The following PAH variants were observed in gnomAD, a reference collection of about 807,000 sequenced individuals.
The protein encoded by PAH is phenylalanine-4-hydroxylase.
In PAH, 64 loss-of-function variants were observed where a neutral mutation model predicts 62.0. The ratio of observed to expected loss-of-function variants is 1.03; its 90% CI spans 0.84 to 1.27. PAH has a LOEUF of 1.27. Among genes scored for constraint, PAH ranks in the 50% most tolerant of loss-of-function variants. The pLI, the probability that PAH is intolerant of heterozygous loss-of-function variation, is 0.00. For missense variants in PAH, 579 were observed against 542.8 expected (o/e 1.07, Z -0.66); for synonymous variants, 195 against 196.2 (o/e 0.99, Z 0.05).
At chr12:102,915,297 C>G (rs899802184) in intron 1 of PAH, 4 of 152,172 alleles carry the variant, frequency 2.6e-5, no homozygotes, top group African/African-American at 9.7e-5. Flanking sequence ...TAATAATTGA[C>G]TCACAGAAAT....
At position 102,957,235 on chromosome 12, in the gene PAH, C is replaced by T. The variant is rs1308790167; in HGVS notation, c.-96+960G>A. Among the ~76,000 whole-genome samples, 3 of 152,198 alleles carry T rather than the reference C, an allele frequency of 2.0e-5. No homozygotes were observed. Among genetic ancestry groups the T allele is most frequent in the African/African-American group, 7.2e-5 (3 of 41,448 alleles). On this transcript the variant is annotated intron_variant, in intron 1 of 4. Coordinates refer to the PAH transcript ENST00000551337. The surrounding 1 kb of genome is among the most constrained non-coding windows in gnomAD (Gnocchi z 4.1). Reference sequence around the variant, plus strand: ...TTTTCTGCCCAAACCCTTCCCTGCGCTTTGCTTCAAGTTCTTAGTAGAATC... The same window carrying T: ...TTTTCTGCCCAAACCCTTCCCTGCGTTTTGCTTCAAGTTCTTAGTAGAATC...
upstream of PAH, chr12:102,950,904 T>C (rs1879730066): frequency 6.6e-6 from 1 of 151,700 alleles, no homozygotes; most frequent in Admixed American, 6.6e-5. Flanking sequence ...GACGTCACAA[T>C]GCCGTCTGAC....
At chr12:102,913,038 C>G in intron 1 of PAH, 140 bp from the exon 2 acceptor site, 1 of 668,492 alleles carries the variant, frequency 1.5e-6, no homozygotes, top group South Asian at 1.6e-5. Context: ...ATATTCTATA[C>G]AGAAATATGT....
chr12:102,885,059 G>T (rs1409343974), intron 3 of PAH, among the ~76,000 whole-genome samples: 1 of 152,130 alleles, frequency 6.6e-6, no homozygotes, highest in Non-Finnish European at 1.5e-5. Flanking sequence ...AAGGTGTGGT[G>T]GTGGTGAAGG....
rs1814727 is a variant in PAH, at chr12:102,854,524, T to G, written c.706+612A>C. On this transcript the variant is annotated intron_variant, in intron 6 of 12. Coordinates refer to ENST00000553106, the MANE Select transcript of PAH (RefSeq NM_000277.3). ...ACTCAGATTTCAATTCAGTCCAAAT[T>G]CACTGAATACCTGCTGTATATGCAA... is the stretch of plus-strand genomic sequence containing the variant. Among the ~76,000 whole-genome samples the G allele has an allele frequency of 1.2e-3, 186 of 152,348 alleles. 1 individual carries two copies. The highest frequency in any genetic ancestry group is 2.3e-3 in the Admixed American group (35 of 15,310).
intron 1 of PAH, among the ~76,000 whole-genome samples, chr12:102,956,888 A>C (rs2136783412): frequency 6.6e-6 from 1 of 152,180 alleles, no homozygotes; most frequent in African/African-American, 2.4e-5. Context: ...CCTAGTTTTT[A>C]GAGCTGAATG....
At chr12:102,958,393 C>CGCAGCA (rs3832799), upstream of PAH, 19,166 of 1,505,836 alleles carry the variant, frequency 0.013, 61 homozygotes, top group African/African-American at 0.049. Flanking sequence ...GCGCAGAGCG[C>CGCAGCA]GCAGCAGCAG....
intron 8 of PAH, among the ~76,000 whole-genome samples, chr12:102,850,334 T>C (rs1875089233): frequency 6.6e-6 from 1 of 152,246 alleles, no homozygotes; most frequent in African/African-American, 2.4e-5. Context: ...AGGCTGCATC[T>C]TACAAGTACA....
At chr12:102,900,389 T>C (rs1283607205) in intron 2 of PAH, among the ~76,000 whole-genome samples, 1 of 152,136 alleles carries the variant, frequency 6.6e-6, no homozygotes, top group Non-Finnish European at 1.5e-5. Flanking sequence ...CTTTATCTGT[T>C]AAATGGTTAT....
At chr12:102,859,808 T>G (rs1369427818) in intron 5 of PAH, among the ~76,000 whole-genome samples, 1 of 152,192 alleles carries the variant, frequency 6.6e-6, no homozygotes, top group Non-Finnish European at 1.5e-5. Flanking sequence ...AAATTAGGTA[T>G]TGATGGGATG....
At chr12:102,922,594 A>G (rs541135806) in intron 1 of PAH, among the ~76,000 whole-genome samples, 1 of 152,284 alleles carries the variant, frequency 6.6e-6, no homozygotes, top group East Asian at 1.9e-4. Flanking sequence ...GCTCCATTGT[A>G]TTTTTATGTG....
intron 4 of PAH, among the ~76,000 whole-genome samples, chr12:102,869,013 C>T (rs1299320147): frequency 1.3e-5 from 2 of 152,154 alleles, no homozygotes; most frequent in Admixed American, 1.3e-4. Context: ...CCTAAAGGCC[C>T]AAAACTACAG....
chr12:102,880,481 C>T (rs758864707), intron 3 of PAH, among the ~76,000 whole-genome samples: 3 of 152,218 alleles, frequency 2.0e-5, no homozygotes, highest in Non-Finnish European at 4.4e-5. Flanking sequence ...CATCCCCACA[C>T]TGCGGAGGTA....
At chr12:102,859,951 T>G (rs1250968935) in intron 5 of PAH, among the ~76,000 whole-genome samples, 3 of 152,186 alleles carry the variant, frequency 2.0e-5, no homozygotes, top group Non-Finnish European at 4.4e-5. Flanking sequence ...CTACTCCTAT[T>G]CAACATAGTG....
At chr12:102,853,112 A>G in intron 6 of PAH, 162 bp from the exon 7 acceptor site, 1 of 728,240 alleles carries the variant, frequency 1.4e-6, no homozygotes, top group South Asian at 1.6e-5. Context: ...CTTTCTAGCT[A>G]GGTGATCTGG....
In PAH at chr12:102,846,969, T is replaced by C. The variant is rs764576729; in HGVS notation, c.913-18A>G. On this transcript the variant is annotated intron_variant, in intron 8 of 12. Transcript: ENST00000553106. Reference sequence around the variant, plus strand: ...CCAATTTCCTGTAATTGGGGGAAAATAGAACCTGTTCTGTTCCTGTAATTG... The same window carrying C: ...CCAATTTCCTGTAATTGGGGGAAAACAGAACCTGTTCTGTTCCTGTAATTG... The C allele has an allele frequency of 2.5e-6, 4 of 1,608,800 alleles. No individual in the cohort carries two copies. In the Admixed American group the frequency reaches 5.0e-5, roughly 20 times the overall value.
intron 4 of PAH, among the ~76,000 whole-genome samples, chr12:102,874,834 A>T (rs1279984238): frequency 3.9e-5 from 6 of 152,168 alleles, no homozygotes; most frequent in Non-Finnish European, 5.9e-5. Flanking sequence ...CCTTTACTTC[A>T]TTTTTCAAAG....
intron 1 of PAH, among the ~76,000 whole-genome samples, chr12:102,927,128 C>T (rs1878704899): frequency 6.6e-6 from 1 of 152,016 alleles, no homozygotes; most frequent in South Asian, 2.1e-4. Flanking sequence ...CCATTGATAA[C>T]AGAGAAAGGG....
At chr12:102,949,700 G>A (rs572874531) in intron 1 of PAH, among the ~76,000 whole-genome samples, 2 of 152,230 alleles carry the variant, frequency 1.3e-5, no homozygotes, top group South Asian at 4.1e-4. Flanking sequence ...GGGAAGAGGG[G>A]CTGGATGACA....
Sources: gnomAD v4.1 joint callset for allele counts (sites outside exome capture counted in the v4.1 genomes callset) on GRCh38, gnomAD v4.1.1 for gene constraint, Gnocchi (gnomAD v3.1) non-coding constraint, MANE v1.5 for transcripts, NCBI Gene and HGNC (gene_info 2026-07-23, HGNC 2026-07-21) for gene names.